CAMK2B: variants seen among roughly 807,000 people sequenced by gnomAD.
CAMK2B encodes calcium/calmodulin-dependent protein kinase type II subunit beta.
CAMK2B carries 27 observed loss-of-function variants against 93.7 expected under a neutral mutation model. That is an observed-to-expected ratio of 0.29 (90% CI 0.21 to 0.40). CAMK2B has a LOEUF of 0.40. CAMK2B is among the 10% of genes least tolerant of loss of function. The probability of loss-of-function intolerance (pLI) is 1.00; values close to 1 mark genes in which losing one functional copy is unlikely to be tolerated. For synonymous variants in CAMK2B, 374 were observed against 358.8 expected (o/e 1.04, Z -0.48); for missense variants, 568 against 895.8 (o/e 0.63, Z 4.67).
Position 44,285,782 on chromosome 7 carries a change from G to T in CAMK2B, c.66-1557C>A, listed in dbSNP as rs575556482. On this transcript the variant is annotated intron_variant, in intron 1 of 23. Coordinates refer to ENST00000395749, the MANE Select transcript of CAMK2B (RefSeq NM_001220.5). The stretch of plus-strand genomic sequence containing the variant: ...GGACAGGGGCTGCCTCAGGAGATGT[G>T]GGGGGAGACCCAGCGGTGGGAGATG... 2.9e-3 allele frequency among the ~76,000 whole-genome samples: 422 copies of T among 146,740 alleles called. 3 individuals are homozygous for T. Among genetic ancestry groups the T allele is most frequent in the Middle Eastern group, 0.021 (6 of 286 alleles).
intron 1 of CAMK2B, among the ~76,000 whole-genome samples, chr7:44,319,358 G>C (rs1454270918): frequency 6.6e-6 from 1 of 152,164 alleles, no homozygotes; most frequent in Non-Finnish European, 1.5e-5. Context: ...TTAAATTCTA[G>C]GGTGGCTCAA....
rs146144717 is a variant in CAMK2B, at chr7:44,274,570, C to T, written c.160+9561G>A. On this transcript the variant is annotated intron_variant, in intron 2 of 23. Coordinates refer to ENST00000395749, the MANE Select transcript of CAMK2B (RefSeq NM_001220.5). The stretch of plus-strand genomic sequence containing the variant: ...ACTCCGAATCCCCTTCTCCTTCCAT[C>T]GGTGGTCACTACCACTCCCCAACCA... Among the ~76,000 whole-genome samples, 8 of 152,358 alleles carry T rather than the reference C, an allele frequency of 5.3e-5. No homozygotes were observed. In the East Asian group the frequency reaches 1.5e-3, roughly 29 times the overall value.
At chr7:44,246,439 A>G (rs553831756) in intron 6 of CAMK2B, among the ~76,000 whole-genome samples, 49 of 152,136 alleles carry the variant, frequency 3.2e-4, no homozygotes, top group Non-Finnish European at 5.9e-4. Context: ...ACATGCCCAC[A>G]CAGACACACA....
rs1796958161 is a variant in CAMK2B at position 44,324,450 on chromosome 7, C to T, written c.65+907G>A. Among the ~76,000 whole-genome samples the T allele has an allele frequency of 3.3e-5, 5 of 152,272 alleles. No individual in the cohort carries two copies. The South Asian group carries it at 1.0e-3, about 32-fold the overall frequency. On this transcript the variant is annotated intron_variant, in intron 1 of 23. Transcript: ENST00000395749. ...CAGGCCAGACAGGAGGCCCCTGAGG[C>T]GCTCCCCATCTCACCCCAGGGGCAA... is the stretch of plus-strand genomic sequence containing the variant.
rs531942410 is a variant in CAMK2B at position 44,261,908 on chromosome 7, C to A, written c.220+1097G>T. ...CTGGATGCAGTGGGTTGGTGGGCAG[C>A]GGCAAATCTCGTCAGGGGCTAAGCT... On this transcript the variant is annotated intron_variant, in intron 3 of 23. Coordinates refer to ENST00000395749, the MANE Select transcript of CAMK2B (RefSeq NM_001220.5). Among the ~76,000 whole-genome samples, 3 of 152,324 alleles carry A rather than the reference C, an allele frequency of 2.0e-5. No homozygotes were observed. The South Asian group carries it at 6.2e-4, about 32-fold the overall frequency.
At position 44,259,016 on chromosome 7, in the gene CAMK2B, G is replaced by A. The variant is rs555195002; in HGVS notation, c.221-90C>T. On this transcript the variant is annotated intron_variant, in intron 3 of 23. Coordinates refer to ENST00000395749, the MANE Select transcript of CAMK2B (RefSeq NM_001220.5). ...GTACCTGTCCAGGCACACCACCAGC[G>A]GTGTAAGCCCTAGGGCTGCCCAGAG... The A allele has an allele frequency of 2.1e-3, 2,529 of 1,190,848 alleles. 10 individuals are homozygous for A. The highest frequency in any genetic ancestry group is 2.7e-3 in the Non-Finnish European group (2,169 of 813,294). 73.8% of individuals were successfully genotyped at this position (1,190,848 alleles called of 1,614,324 possible).
chr7:44,276,913 C>A (rs1005981578), intron 2 of CAMK2B, among the ~76,000 whole-genome samples: 2 of 152,218 alleles, frequency 1.3e-5, no homozygotes, highest in South Asian at 2.1e-4. Flanking sequence ...GGGGAGCCCA[C>A]GCTCAGCTCA....
At chr7:44,256,571 C>T (rs1221907810) in intron 4 of CAMK2B, among the ~76,000 whole-genome samples, 1 of 152,246 alleles carries the variant, frequency 6.6e-6, no homozygotes, top group African/African-American at 2.4e-5. Context: ...AGGATCAAAA[C>T]CCACATCTAG....
rs1318603778 is a variant in CAMK2B at position 44,226,381 on chromosome 7, C to T, written c.1597+135G>A. Reference sequence around the variant, plus strand: ...CCTTCATGTGCTTCAAAGCAATTCCCTGGGACCCAGCAGAGGGATCCTGTG... The same window carrying T: ...CCTTCATGTGCTTCAAAGCAATTCCTTGGGACCCAGCAGAGGGATCCTGTG... On this transcript the variant is annotated intron_variant, in intron 20 of 23. Coordinates refer to ENST00000395749, the MANE Select transcript of CAMK2B (RefSeq NM_001220.5). The T allele has an allele frequency of 4.3e-6, 3 of 705,864 alleles. No homozygotes were observed. In the African/African-American group the frequency reaches 5.6e-5, roughly 13 times the overall value. 43.7% of individuals were successfully genotyped at this position (705,864 alleles called of 1,614,324 possible).
chr7:44,253,904 T>G (rs2096805294), intron 5 of CAMK2B, among the ~76,000 whole-genome samples: 2 of 145,726 alleles, frequency 1.4e-5, no homozygotes, highest in East Asian at 1.9e-4. Context: ...GGCCTCAGTT[T>G]TTTTTTTTTT....
intron 22 of CAMK2B, among the ~76,000 whole-genome samples, 154 bp downstream of exon 22, chr7:44,220,462 G>C (rs1009531940): frequency 1.8e-4 from 27 of 152,160 alleles, no homozygotes; most frequent in African/African-American, 5.8e-4. Flanking sequence ...CTGGGGGCTG[G>C]GTATGGCCTC....
chr7:44,310,688 T>C (rs549374805), intron 1 of CAMK2B, among the ~76,000 whole-genome samples: 8 of 152,314 alleles, frequency 5.3e-5, no homozygotes, highest in East Asian at 3.9e-4. Flanking sequence ...ATTATGCTCA[T>C]TGAAACAAGG....
At chr7:44,287,397 C>T (rs868729937) in intron 1 of CAMK2B, among the ~76,000 whole-genome samples, 2 of 152,194 alleles carry the variant, frequency 1.3e-5, no homozygotes, top group African/African-American at 2.4e-5. Context: ...GCTGTCCACC[C>T]GCACCCATCC....
chr7:44,299,614 A>C (rs1789334392), intron 1 of CAMK2B, among the ~76,000 whole-genome samples: 1 of 152,248 alleles, frequency 6.6e-6, no homozygotes, highest in Non-Finnish European at 1.5e-5. Flanking sequence ...AATACATATA[A>C]GTGAACTGTC....
chr7:44,238,192 A>C (rs1010151390), intron 13 of CAMK2B, among the ~76,000 whole-genome samples: 5 of 152,210 alleles, frequency 3.3e-5, no homozygotes, highest in African/African-American at 1.2e-4. Flanking sequence ...CTGGTCACCC[A>C]GGACAGCCAT....
At chr7:44,235,987 C>T (rs531243083) in intron 13 of CAMK2B, among the ~76,000 whole-genome samples, 1 of 109,466 alleles carries the variant, frequency 9.1e-6, no homozygotes, top group South Asian at 3.6e-4. Context: ...CCCCCAACCC[C>T]AGCAGCAGCA....
rs138124117 is a variant in CAMK2B at position 44,296,556 on chromosome 7, G to A, written c.66-12331C>T. 2.0e-3 allele frequency among the ~76,000 whole-genome samples: 300 copies of A among 152,092 alleles called. 4 individuals carry two copies. The highest frequency in any genetic ancestry group is 6.8e-3 in the African/African-American group (282 of 41,478). ...TTGACTGAGTCTTTCCAAAATTGAA[G>A]CCAGGCACCAAACCACAAATCCAGG... On this transcript the variant is annotated intron_variant, in intron 1 of 23. Coordinates refer to ENST00000395749, the MANE Select transcript of CAMK2B (RefSeq NM_001220.5).
chr7:44,304,369 A>G (rs1790881564), intron 1 of CAMK2B, among the ~76,000 whole-genome samples: 1 of 152,242 alleles, frequency 6.6e-6, no homozygotes, highest in South Asian at 2.1e-4. Flanking sequence ...GCAAATGAAC[A>G]AACTGTGGTA....
chr7:44,308,123 G>A (rs1792428877), intron 1 of CAMK2B, among the ~76,000 whole-genome samples: 2 of 152,222 alleles, frequency 1.3e-5, no homozygotes, highest in South Asian at 2.1e-4. Context: ...GTGCCCAGGA[G>A]GCATGGGGCA....
Sources: allele counts gnomAD v4.1 joint callset (sites outside exome capture counted in the v4.1 genomes callset), GRCh38; gene constraint gnomAD v4.1.1; transcripts MANE v1.5; gene names NCBI Gene and HGNC (gene_info 2026-07-23, HGNC 2026-07-21).